Variants in C2CD2 observed in about 807,000 individuals in gnomAD.
The protein encoded by C2CD2 is C2 calcium dependent domain containing 2.
A neutral mutation model predicts 74.3 loss-of-function variants in C2CD2; 43 were observed. The observed-to-expected ratio is 0.58, with a 90% CI of 0.45 to 0.75. The LOEUF (loss-of-function observed/expected upper bound fraction) is 0.75, where lower values mean the gene tolerates loss of function less well. Ranked by LOEUF, C2CD2 falls within the 30% of genes least tolerant of loss-of-function variation. The probability of loss-of-function intolerance (pLI) is 0.00; values close to 1 mark genes in which losing one functional copy is unlikely to be tolerated. For synonymous variants in C2CD2, 422 were observed against 390.7 expected (o/e 1.08, Z -0.94); for missense variants, 801 against 916.3 (o/e 0.87, Z 1.63).
At chr21:41,940,243 C>T (rs1013706552) in intron 2 of C2CD2, among the ~76,000 whole-genome samples, 9 of 152,098 alleles carry the variant, frequency 5.9e-5, no homozygotes, top group African/African-American at 9.7e-5. Flanking sequence ...TAAGTGAGCT[C>T]GGGTTCATCT....
At position 41,903,561 on chromosome 21, in the gene C2CD2, TG is replaced by T. The variant is rs988490083; in HGVS notation, c.1433-1813del. 2.0e-5 allele frequency among the ~76,000 whole-genome samples: 3 copies of T among 152,178 alleles called. No homozygotes were observed. Among genetic ancestry groups the T allele is most frequent in the Non-Finnish European group, 4.4e-5 (3 of 68,030 alleles). On this transcript the variant is annotated intron_variant, in intron 11 of 13. Coordinates refer to ENST00000380486, the MANE Select transcript of C2CD2 (RefSeq NM_015500.2). This position sits in a 1 kb window ranked among gnomAD's most constrained non-coding sequence, Gnocchi z 4.5. ...TGTTGTGAGTAGAGGAACAGATTTTTGTTTAGCCACTGACCCACACTGAGAA... is the reference window on the plus strand; with the variant it reads ...TGTTGTGAGTAGAGGAACAGATTTTTTTTAGCCACTGACCCACACTGAGAA...
In C2CD2 at chr21:41,945,785, C is replaced by T. The variant is rs143205500; in HGVS notation, c.280-3540G>A. 2.8e-4 allele frequency among the ~76,000 whole-genome samples: 43 copies of T among 152,204 alleles called. No homozygotes were observed. The highest frequency in any genetic ancestry group is 7.0e-4 in the African/African-American group (29 of 41,518). ...CCTCCTTCCTTCTTCCCTCTCCTGCCGCCTTATGAAGAAGGTGACGGCTTT... is the reference window on the plus strand; with the variant it reads ...CCTCCTTCCTTCTTCCCTCTCCTGCTGCCTTATGAAGAAGGTGACGGCTTT... On this transcript the variant is annotated intron_variant, in intron 1 of 13. Coordinates refer to ENST00000380486, the MANE Select transcript of C2CD2 (RefSeq NM_015500.2). The surrounding 1 kb of genome is among the most constrained non-coding windows in gnomAD (Gnocchi z 4.2).
chr21:41,935,431 G>A (rs1357169615), intron 2 of C2CD2, among the ~76,000 whole-genome samples: 1 of 152,136 alleles, frequency 6.6e-6, no homozygotes, highest in African/African-American at 2.4e-5. Context: ...TTGATTTTAT[G>A]ATAATAGCGG....
intron 2 of C2CD2, among the ~76,000 whole-genome samples, chr21:41,940,547 C>T (rs2065346168): frequency 2.0e-5 from 3 of 152,068 alleles, no homozygotes; most frequent in African/African-American, 4.8e-5. Flanking sequence ...AAAATGCAGA[C>T]GGAGCCATAA....
intron 5 of C2CD2, among the ~76,000 whole-genome samples, chr21:41,916,578 G>A (rs2065093462): frequency 6.6e-6 from 1 of 151,602 alleles, no homozygotes; most frequent in African/African-American, 2.4e-5. Flanking sequence ...ACTCGAACTA[G>A]AATTACCCCA....
intron 5 of C2CD2, among the ~76,000 whole-genome samples, chr21:41,917,538 T>C (rs2065106087): frequency 6.6e-6 from 1 of 152,186 alleles, no homozygotes; most frequent in Admixed American, 6.5e-5. Context: ...CCAGGGCAAA[T>C]GCTCTGGTTA....
chr21:41,897,319 G>A (rs960890191), intron 13 of C2CD2, among the ~76,000 whole-genome samples: 1 of 152,192 alleles, frequency 6.6e-6, no homozygotes, highest in Admixed American at 6.5e-5. Context: ...AGGACAAGAG[G>A]AAACGGGCCA....
intron 13 of C2CD2, chr21:41,894,707 G>A (rs776643185): frequency 2.0e-5 from 9 of 456,744 alleles, no homozygotes; most frequent in Admixed American, 7.0e-5. Context: ...CCAGCCATGC[G>A]GACAGAGGCC....
Position 41,953,760 on chromosome 21 carries a change from C to A in C2CD2, c.-112G>T. 5.7e-6 allele frequency: 6 copies of A among 1,047,168 alleles called. No homozygotes were observed. Among genetic ancestry groups the A allele is most frequent in the Non-Finnish European group, 7.3e-6 (6 of 824,718 alleles). 64.9% of individuals were successfully genotyped at this position (1,047,168 alleles called of 1,614,324 possible). Reference sequence around the variant, plus strand: ...CAGCGCGCTGGGGGCGTGGAGGGGGCGCGGCGGGGTCGGAGCCCGGCGAGG... The same window carrying A: ...CAGCGCGCTGGGGGCGTGGAGGGGGAGCGGCGGGGTCGGAGCCCGGCGAGG... On this transcript the variant is annotated 5_prime_UTR_variant, in exon 1 of 14. Transcript: ENST00000380486.
chr21:41,907,091 C>T lies in C2CD2; in HGVS notation c.1219G>A (p.Asp407Asn). The T allele has an allele frequency of 6.2e-7, 1 of 1,613,880 alleles. No individual in the cohort carries two copies. Among genetic ancestry groups the T allele is most frequent in the Non-Finnish European group, 8.5e-7 (1 of 1,179,788 alleles). The part of the protein sequence containing the change: ...PPVPAAKIEK[D>N]RTVMPCGTVV... ...GTCCCACAGGGCATCACCGTGCGGTCCTTTTCTATTTTTGCAGCAGGAACA... is the reference window on the plus strand; with the variant it reads ...GTCCCACAGGGCATCACCGTGCGGTTCTTTTCTATTTTTGCAGCAGGAACA... The change falls in exon 10 of 14, where the codon GAC (aspartate) becomes AAC (asparagine). Residue 407 changes from aspartate to asparagine, a missense_variant. Transcript: ENST00000380486.
At position 41,953,538 on chromosome 21, in the gene C2CD2, C is replaced by T. The variant is rs1321864500; in HGVS notation, c.111G>A (p.Ala37=). 2.0e-6 allele frequency: 3 copies of T among 1,476,822 alleles called. No individual in the cohort carries two copies. Among genetic ancestry groups the T allele is most frequent in the East Asian group, 2.9e-5 (1 of 34,452 alleles). 91.5% of individuals were successfully genotyped at this position (1,476,822 alleles called of 1,614,324 possible). The change falls in exon 1 of 14, where the codon GCG becomes GCA. Residue 37 remains alanine (A), a synonymous_variant. Transcript: ENST00000380486. ...ATVGLYLAQW[A]LARARPQPQR... Reference sequence around the variant, plus strand: ...GGGGCTGGGGTCGCGCCCTGGCCAGCGCCCACTGCGCCAGGTACAGGCCTA... The same window carrying T: ...GGGGCTGGGGTCGCGCCCTGGCCAGTGCCCACTGCGCCAGGTACAGGCCTA...
At chr21:41,942,950 A>T in intron 1 of C2CD2, 1 of 984,790 alleles carries the variant, frequency 1.0e-6, no homozygotes, top group South Asian at 4.7e-5. Context: ...ATGTTCCCCC[A>T]GCATCCTTCC....
chr21:41,914,737 G>A lies in C2CD2; in HGVS notation c.721-16C>T. 6.2e-7 allele frequency: 1 copy of A among 1,609,550 alleles called. No homozygotes were observed. The highest frequency in any genetic ancestry group is 8.5e-7 in the Non-Finnish European group (1 of 1,177,576). On this transcript the variant is annotated splice_polypyrimidine_tract_variant and intron_variant, in intron 5 of 13. Transcript: ENST00000380486. ...ACTGTAAGTTCTGAAAAAATAAAGA[G>A]CACTTTATTTTTGGTCTTCATGGGG...
intron 9 of C2CD2, 150 bp downstream of exon 9, chr21:41,907,509 TG>T: frequency 2.5e-6 from 2 of 812,866 alleles, no homozygotes; most frequent in Non-Finnish European, 3.8e-6. Flanking sequence ...TATTCGAGTC[TG>T]GTCCTGCGTA....
At chr21:41,898,934 C>T (rs9984905) in intron 13 of C2CD2, 119 bp downstream of exon 13, 178,404 of 769,158 alleles carry the variant, frequency 0.23, 23,115 homozygotes, top group Middle Eastern at 0.45. Context: ...AGGGGTGAGG[C>T]TGGGAGGGAG....
At chr21:41,941,054 T>C (rs2065350482) in intron 2 of C2CD2, among the ~76,000 whole-genome samples, 1 of 151,972 alleles carries the variant, frequency 6.6e-6, no homozygotes, top group Admixed American at 6.6e-5. Flanking sequence ...AAGATTTGTA[T>C]TGAAGAGAAA....
At chr21:41,922,163 CTT>C (rs955053390) in intron 2 of C2CD2, 78 bp from the exon 3 acceptor site, 3,332 of 642,998 alleles carry the variant, frequency 5.2e-3, no homozygotes, top group East Asian at 9.1e-3. Flanking sequence ...TCTTCTTCTT[CTT>C]TTTTTTTTTT....
At chr21:41,893,698 CTTTT>C (rs60305027) in intron 13 of C2CD2, among the ~76,000 whole-genome samples, 27 of 122,088 alleles carry the variant, frequency 2.2e-4, no homozygotes, top group East Asian at 1.6e-3. Context: ...TGTTAAATTT[CTTTT>C]TTTTTTTTTT....
intron 2 of C2CD2, among the ~76,000 whole-genome samples, chr21:41,933,787 G>A (rs565408549): frequency 1.3e-5 from 2 of 152,332 alleles, no homozygotes; most frequent in South Asian, 2.1e-4. Context: ...GGAGGGGAGG[G>A]GAGGGAACCC....
Sources: allele counts gnomAD v4.1 joint callset (sites outside exome capture counted in the v4.1 genomes callset), GRCh38; gene constraint gnomAD v4.1.1; non-coding constraint Gnocchi (gnomAD v3.1); transcripts MANE v1.5; gene names NCBI Gene and HGNC (gene_info 2026-07-23, HGNC 2026-07-21).